Variants in FANCM observed in about 807,000 individuals in gnomAD.
FANCM encodes Fanconi anemia group M protein.
FANCM carries 140 observed loss-of-function variants against 199.5 expected under a neutral mutation model. That is an observed-to-expected ratio of 0.70 (90% confidence interval 0.61 to 0.81). The LOEUF (loss-of-function observed/expected upper bound fraction) is 0.81, where lower values mean the gene tolerates loss of function less well. FANCM is among the 30% of genes least tolerant of loss of function. FANCM has a pLI of 0.00. For missense variants in FANCM, 2,410 were observed against 2,421.4 expected (o/e 1.00, Z 0.10); for synonymous variants, 840 against 836.8 (o/e 1.00, Z -0.07).
At chr14:45,155,542 A>C in intron 8 of FANCM, 83 bp downstream of exon 8, 1 of 753,918 alleles carries the variant, frequency 1.3e-6, no homozygotes, top group African/African-American at 1.7e-5. Flanking sequence ...GCAGTGGTTC[A>C]CACCTGTAAT....
In FANCM at chr14:45,175,289, C is replaced by G; in HGVS notation, c.2535C>G (p.Ile845Met). 1 of 1,585,428 alleles carries G rather than the reference C, an allele frequency of 6.3e-7. No individual in the cohort carries two copies. Among genetic ancestry groups the G allele is most frequent in the South Asian group, 1.2e-5 (1 of 85,046 alleles). Residue 845 changes from isoleucine (I) to methionine (M), a missense_variant, in exon 14 of 23, where the codon ATC becomes ATG. Physicochemically the swap from Ile to Met is conservative, Grantham distance 10 (BLOSUM62 1). Transcript: ENST00000267430. ...ECAEIVKQTH[I>M]KPTKIVSLKK... ...CTGAAATTGTTAAACAAACTCATATCAAACCTACTAAAATTGTTTCTTTAA... is the reference window on the plus strand; with the variant it reads ...CTGAAATTGTTAAACAAACTCATATGAAACCTACTAAAATTGTTTCTTTAA...
At position 45,169,403 on chromosome 14, in the gene FANCM, A is replaced by C. The variant is rs544420264; in HGVS notation, c.2003-1186A>C. On this transcript the variant is annotated intron_variant, in intron 11 of 22. Transcript: ENST00000267430. Reference sequence around the variant, plus strand: ...TATTTGTTTTTTTTTTTTCATTTTTAATTTTTTATTTTTTACATTTTTAAA... The same window carrying C: ...TATTTGTTTTTTTTTTTTCATTTTTCATTTTTTATTTTTTACATTTTTAAA... Among the ~76,000 whole-genome samples the C allele has an allele frequency of 9.7e-4, 136 of 140,860 alleles. 1 individual carries two copies. The highest frequency in any genetic ancestry group is 3.1e-3 in the East Asian group (15 of 4,904). 92.4% of individuals were successfully genotyped at this position (140,860 alleles called of 152,430 possible).
rs573086595 is a variant in FANCM, at chr14:45,167,321, T to G, written c.2002+158T>G. On this transcript the variant is annotated intron_variant, in intron 11 of 22. Transcript: ENST00000267430. ...GAAAGGCTGTACGAGATTATTCATG[T>G]GGCAAATGGAGAGACACTGGTAGTA... is the stretch of plus-strand genomic sequence containing the variant. 1.2e-4 allele frequency: 78 copies of G among 638,918 alleles called. No individual in the cohort carries two copies. The African/African-American group carries it at 1.3e-3, about 11-fold the overall frequency. The allele number at this position is 638,918 out of a possible 1,614,324, so 39.6% of individuals were successfully genotyped here. A position where few individuals can be genotyped will look rare whatever the true frequency, so the allele number is the denominator to read the frequency against.
intron 11 of FANCM, among the ~76,000 whole-genome samples, chr14:45,170,252 GT>G (rs1476437389): frequency 6.6e-6 from 1 of 152,154 alleles, no homozygotes; most frequent in South Asian, 2.1e-4. Flanking sequence ...AAACTGAGTG[GT>G]TTTTTATGAA....
intron 2 of FANCM, 106 bp from the exon 3 acceptor site, chr14:45,140,526 T>G: frequency 1.4e-6 from 1 of 730,752 alleles, no homozygotes; most frequent in Non-Finnish European, 2.5e-6. Flanking sequence ...ATCAATATAC[T>G]GATGAAGGAA....
chr14:45,157,377 A>C (rs1887271581), intron 8 of FANCM, among the ~76,000 whole-genome samples: 1 of 152,204 alleles, frequency 6.6e-6, no homozygotes, highest in Non-Finnish European at 1.5e-5. Flanking sequence ...TATACAGAGG[A>C]GGGTCCAGAA....
At chr14:45,156,369 G>A (rs972776513) in intron 8 of FANCM, among the ~76,000 whole-genome samples, 1 of 152,274 alleles carries the variant, frequency 6.6e-6, no homozygotes, top group East Asian at 1.9e-4. Flanking sequence ...CTGAATATTT[G>A]TGCTTTGCAA....
chr14:45,179,557 CTTTCT>C (rs1888929266), intron 14 of FANCM, among the ~76,000 whole-genome samples: 4 of 123,376 alleles, frequency 3.2e-5, no homozygotes, highest in Admixed American at 9.3e-5. Flanking sequence ...CATTTTCTTT[CTTTCT>C]TTTTTTTTTT....
In FANCM at chr14:45,175,062, T is replaced by C; in HGVS notation, c.2317-9T>C. On this transcript the variant is annotated splice_polypyrimidine_tract_variant and intron_variant, in intron 13 of 22. Transcript: ENST00000267430. ...TTCCTGTGGCTTTTTAAATTTTCCT[T>C]ATTTATAGGGAGAATGCAGCTATGA... is the stretch of plus-strand genomic sequence containing the variant. 1.3e-6 allele frequency: 2 copies of C among 1,581,696 alleles called. No individual in the cohort carries two copies. The highest frequency in any genetic ancestry group is 1.7e-5 in the Admixed American group (1 of 59,650).
rs1280057432 is a variant in FANCM at position 45,183,774 on chromosome 14, T to C, written c.4387T>C (p.Ser1463Pro). ...VKKRRFPINRSELSSSDESEN... is the reference protein window; with the variant it reads ...VKKRRFPINRPELSSSDESEN... The stretch of plus-strand genomic sequence containing the variant: ...CAAGAATTTTGTCGAATTATTATAG[T>C]CAGAATTATCATCTAGTGATGAGAG... Residue 1463 changes from serine (S) to proline (P), a missense_variant and splice_region_variant, in exon 17 of 23, where the codon TCA becomes CCA. By Grantham distance (74) the Ser-to-Pro change is moderately conservative (BLOSUM62 -1). Transcript: ENST00000267430. 6.2e-7 allele frequency: 1 copy of C among 1,604,874 alleles called. No individual in the cohort carries two copies. Among genetic ancestry groups the C allele is most frequent in the Admixed American group, 1.7e-5 (1 of 59,894 alleles).
intron 6 of FANCM, among the ~76,000 whole-genome samples, chr14:45,154,316 G>A (rs892461701): frequency 6.0e-5 from 9 of 151,190 alleles, no homozygotes; most frequent in African/African-American, 9.7e-5. Flanking sequence ...CGGGAGAATC[G>A]CTTGAACCCG....
chr14:45,153,871 T>C (rs1196454403), intron 5 of FANCM, 49 bp from the exon 6 acceptor site: 2 of 1,498,710 alleles, frequency 1.3e-6, no homozygotes, highest in Non-Finnish European at 9.3e-7. Flanking sequence ...ATGGAGCATG[T>C]ATGTTCATTT....
At chr14:45,148,642 G>A (rs1009511361) in intron 3 of FANCM, among the ~76,000 whole-genome samples, 195 bp from the exon 4 acceptor site, 4 of 151,912 alleles carry the variant, frequency 2.6e-5, no homozygotes, top group African/African-American at 9.7e-5. Context: ...AAGATGTTTC[G>A]GAAGCACTTT....
intron 3 of FANCM, among the ~76,000 whole-genome samples, chr14:45,147,716 A>G (rs946489697): frequency 1.3e-5 from 2 of 151,654 alleles, no homozygotes; most frequent in African/African-American, 4.8e-5. Context: ...AACATGGTGA[A>G]ACCCCATCTG....
intron 11 of FANCM, among the ~76,000 whole-genome samples, chr14:45,169,621 A>G (rs1888214706): frequency 1.3e-5 from 2 of 151,810 alleles, no homozygotes; most frequent in South Asian, 4.2e-4. Context: ...GGCTGGACTC[A>G]AACTCCTGGC....
rs201596252 is a variant in FANCM, at chr14:45,155,436, T to C, written c.1373T>C (p.Ile458Thr). Residue 458 changes from isoleucine to threonine, a missense_variant, in exon 8 of 23, where the codon ATT (isoleucine) becomes ACT (threonine). Transcript: ENST00000267430. ...TTAAAGAAATTAGAAGAAGTTGTAA[T>C]TGAACACTTCAAGTCATGGAATGGT... ...PKLKKLEEVV[I>T]EHFKSWNAEN... The C allele has an allele frequency of 7.4e-6, 11 of 1,491,618 alleles. No individual in the cohort carries two copies. In the African/African-American group the frequency reaches 8.2e-5, roughly 11 times the overall value. 92.4% of individuals were successfully genotyped at this position (1,491,618 alleles called of 1,614,324 possible).
intron 16 of FANCM, among the ~76,000 whole-genome samples, chr14:45,183,103 G>A (rs939242378): frequency 3.3e-5 from 5 of 152,058 alleles, no homozygotes; most frequent in African/African-American, 9.7e-5. Context: ...CAGCCAGTCC[G>A]TATTAACATT....
In FANCM at chr14:45,189,199, C is replaced by T. The variant is rs750384175; in HGVS notation, c.5177C>T (p.Pro1726Leu). ...SKVRSTPRVN[P>L]LAKQSKQTSL... Reference sequence around the variant, plus strand: ...GTGCGTTCTACTCCAAGAGTTAATCCATTAGCAAAGCAGAGCAAACAGACA... The same window carrying T: ...GTGCGTTCTACTCCAAGAGTTAATCTATTAGCAAAGCAGAGCAAACAGACA... Residue 1726 changes from proline (P) to leucine (L), a missense_variant, in exon 20 of 23, where the codon CCA (proline) becomes CTA (leucine). Coordinates refer to ENST00000267430, the MANE Select transcript of FANCM (RefSeq NM_020937.4). 143 of 1,614,008 alleles carry T rather than the reference C, an allele frequency of 8.9e-5. No homozygotes were observed. Among genetic ancestry groups the T allele is most frequent in the Non-Finnish European group, 1.1e-4 (134 of 1,180,026 alleles).
Position 45,189,106 on chromosome 14 carries a change from T to C in FANCM, c.5084T>C (p.Val1695Ala), listed in dbSNP as rs1889598061. 1 of 1,614,182 alleles carries C rather than the reference T, an allele frequency of 6.2e-7. No homozygotes were observed. Among genetic ancestry groups the C allele is most frequent in the Non-Finnish European group, 8.5e-7 (1 of 1,180,010 alleles). The change falls in exon 20 of 23, where the codon GTT becomes GCT. Residue 1695 changes from valine to alanine, a missense_variant. Physicochemically the swap from Val to Ala is moderately conservative, Grantham distance 64. Transcript: ENST00000267430. ...ESNIAVNPST[V>A]KKNKQQDHCL... Reference sequence around the variant, plus strand: ...AATATTGCGGTTAACCCAAGCACTGTTAAGAAGAACAAACAACAGGACCAT... The same window carrying C: ...AATATTGCGGTTAACCCAAGCACTGCTAAGAAGAACAAACAACAGGACCAT...
Sources: allele counts gnomAD v4.1 joint callset (sites outside exome capture counted in the v4.1 genomes callset), GRCh38; gene constraint gnomAD v4.1.1; transcripts MANE v1.5; gene names NCBI Gene and HGNC (gene_info 2026-07-23, HGNC 2026-07-21).